The following DGKB variants were observed in gnomAD, a reference collection of about 807,000 sequenced individuals.
DGKB encodes 90 kDa diacylglycerol kinase.
Under a neutral mutation model 114.3 loss-of-function variants are expected in DGKB, and 67 were observed. The observed-to-expected ratio is 0.59, with a 90% CI of 0.48 to 0.72. The LOEUF is 0.72. Among genes scored for constraint, DGKB ranks in the 30% least tolerant of loss-of-function variants. DGKB has a pLI of 0.00. For missense variants in DGKB, 907 were observed against 975.2 expected, an observed-to-expected ratio of 0.93 and a Z score of 0.93; for synonymous variants, 398 against 323.1, an observed-to-expected ratio of 1.23 and a Z score of -2.49.
chr7:14,509,734 G>A (rs1229718982), intron 20 of DGKB, among the ~76,000 whole-genome samples: 3 of 152,168 alleles, frequency 2.0e-5, no homozygotes, highest in Non-Finnish European at 4.4e-5. Flanking sequence ...CCCTGGACCC[G>A]CCTTTTAAAA....
intron 21 of DGKB, among the ~76,000 whole-genome samples, chr7:14,427,221 G>T (rs1456348283): frequency 2.6e-5 from 4 of 152,030 alleles, no homozygotes; most frequent in African/African-American, 9.7e-5. Flanking sequence ...AAACCTGTAC[G>T]TCCTGAACAG....
In DGKB at chr7:14,931,850, G is replaced by A. The variant is rs913084766; in HGVS notation, c.-188+42846C>T. Among the ~76,000 whole-genome samples the A allele has an allele frequency of 5.3e-5, 8 of 152,028 alleles. 1 individual carries two copies. Among genetic ancestry groups the A allele is most frequent in the South Asian group, 4.1e-4 (2 of 4,822 alleles). On this transcript the variant is annotated intron_variant, in intron 1 of 4. Transcript: ENST00000437998. The stretch of plus-strand genomic sequence containing the variant: ...CAGGTCCCAGGGAGCGGGGTGGGTC[G>A]GGGGGTGGGGATACCTGGTTTCATT...
chr7:14,568,179 A>G (rs1584872050), intron 20 of DGKB, among the ~76,000 whole-genome samples: 1 of 152,276 alleles, frequency 6.6e-6, no homozygotes, highest in African/African-American at 2.4e-5. Flanking sequence ...TTCATTGCTA[A>G]TCCTCAAACA....
chr7:14,491,785 C>A (rs879437474), intron 20 of DGKB, among the ~76,000 whole-genome samples: 2 of 151,920 alleles, frequency 1.3e-5, no homozygotes, highest in Non-Finnish European at 2.9e-5. Flanking sequence ...ATTCTTTGTT[C>A]TCAAGAATAA....
At chr7:14,747,775 G>GCGCGCGCGCGCGCGCGCGCACA in intron 4 of DGKB, among the ~76,000 whole-genome samples, 5 of 149,178 alleles carry the variant, frequency 3.4e-5, no homozygotes, top group Admixed American at 1.3e-4. Flanking sequence ...ACATCCACGC[G>GCGCGCGCGCGCGCGCGCGCACA]CACGCACACA....
intron 1 of DGKB, among the ~76,000 whole-genome samples, chr7:14,914,595 C>G (rs1784146249): frequency 1.3e-5 from 2 of 151,258 alleles, no homozygotes; most frequent in African/African-American, 4.9e-5. Flanking sequence ...GTCTGGGTTT[C>G]AACAAAAAAT....
At chr7:14,721,266 T>C (rs949891155) in intron 5 of DGKB, among the ~76,000 whole-genome samples, 3 of 152,222 alleles carry the variant, frequency 2.0e-5, no homozygotes, top group African/African-American at 7.2e-5. Flanking sequence ...TGGTGTTTAA[T>C]TATCAGCTTT....
intron 1 of DGKB, among the ~76,000 whole-genome samples, chr7:14,960,984 C>T (rs1174403210): frequency 2.0e-5 from 3 of 152,002 alleles, no homozygotes; most frequent in African/African-American, 7.2e-5. Context: ...AGATTTATTA[C>T]AGGTTATTGT....
chr7:14,477,135 T>A (rs1782304852), intron 21 of DGKB, among the ~76,000 whole-genome samples: 1 of 152,292 alleles, frequency 6.6e-6, no homozygotes, highest in Non-Finnish European at 1.5e-5. Context: ...ATGCATAAAG[T>A]AGTGCAATTT....
chr7:14,268,005 T>A (rs1797752679), intron 23 of DGKB, among the ~76,000 whole-genome samples: 1 of 152,116 alleles, frequency 6.6e-6, no homozygotes, highest in African/African-American at 2.4e-5. Flanking sequence ...TTGAAACTAT[T>A]AAGTCTATAA....
rs377322854 is a variant in DGKB at position 14,634,809 on chromosome 7, C to A, written c.1135-4541G>T. Among the ~76,000 whole-genome samples the A allele has an allele frequency of 1.5e-3, 229 of 151,432 alleles. 10 individuals carry two copies. In the South Asian group the frequency reaches 0.046, roughly 30 times the overall value. Reference sequence around the variant, plus strand: ...TGGCTTCCATGTTTTTTTTATATTTCAGTTTCATATAATTTGTTTAAACTT... The same window carrying A: ...TGGCTTCCATGTTTTTTTTATATTTAAGTTTCATATAATTTGTTTAAACTT... On this transcript the variant is annotated intron_variant, in intron 13 of 25. Transcript: ENST00000402815.
chr7:14,676,404 T>C (rs2128956457), intron 12 of DGKB, among the ~76,000 whole-genome samples: 2 of 151,916 alleles, frequency 1.3e-5, no homozygotes, highest in Middle Eastern at 6.8e-3. Context: ...TAATTGTACA[T>C]TTTAAAACAA....
rs116699343 is a variant in DGKB, at chr7:14,268,404, G to A, written c.2122+70111C>T. The stretch of plus-strand genomic sequence containing the variant: ...AAACATGGAATGAAAAACAACATAC[G>A]TATTTTAGTATCCAGATATACCTAT... On this transcript the variant is annotated intron_variant, in intron 23 of 25. Coordinates refer to ENST00000402815, the MANE Select transcript of DGKB (RefSeq NM_001350709.2). 4.8e-3 allele frequency among the ~76,000 whole-genome samples: 734 copies of A among 152,076 alleles called. 5 individuals are homozygous for A. Among genetic ancestry groups the A allele is most frequent in the African/African-American group, 0.017 (693 of 41,482 alleles).
intron 23 of DGKB, among the ~76,000 whole-genome samples, chr7:14,186,047 A>G (rs919412970): frequency 1.3e-5 from 2 of 152,238 alleles, no homozygotes; most frequent in East Asian, 1.9e-4. Flanking sequence ...GAGCTTTTGC[A>G]TGGCAAAAGG....
At chr7:14,664,209 G>A (rs1450845099) in intron 13 of DGKB, among the ~76,000 whole-genome samples, 1 of 151,898 alleles carries the variant, frequency 6.6e-6, no homozygotes, top group Non-Finnish European at 1.5e-5. Context: ...CTGCATATTG[G>A]ATCTTACCAT....
At chr7:14,538,439 C>T (rs956012757) in intron 20 of DGKB, among the ~76,000 whole-genome samples, 2 of 152,218 alleles carry the variant, frequency 1.3e-5, no homozygotes, top group South Asian at 2.1e-4. Flanking sequence ...AATGAGATAT[C>T]GCCTTATTCC....
At chr7:14,932,703 A>G (rs557086227) in intron 1 of DGKB, among the ~76,000 whole-genome samples, 1 of 152,168 alleles carries the variant, frequency 6.6e-6, no homozygotes, top group Non-Finnish European at 1.5e-5. Flanking sequence ...ATAACGCAAA[A>G]CAATATAGGA....
At chr7:14,704,578 C>A (rs922352996) in intron 6 of DGKB, among the ~76,000 whole-genome samples, 1 of 151,946 alleles carries the variant, frequency 6.6e-6, no homozygotes. Context: ...TCCATCTGAG[C>A]TTTGAAGGGA....
chr7:14,697,904 GAGAA>G (rs1228638328), intron 8 of DGKB, among the ~76,000 whole-genome samples, 187 bp downstream of exon 8: 18 of 144,948 alleles, frequency 1.2e-4, no homozygotes, highest in African/African-American at 4.7e-4. Flanking sequence ...AAGAGAAAGA[GAGAA>G]GGAAGGAAGA....
Sources: allele counts gnomAD v4.1 joint callset (sites outside exome capture counted in the v4.1 genomes callset), GRCh38; gene constraint gnomAD v4.1.1; transcripts MANE v1.5; gene names NCBI Gene and HGNC (gene_info 2026-07-23, HGNC 2026-07-21).